METAP1D: variants seen among roughly 807,000 people sequenced by gnomAD.
METAP1D encodes the protein methionine aminopeptidase 1D, mitochondrial.
Under a neutral mutation model 40.5 loss-of-function variants are expected in METAP1D, and 31 were observed. That is an observed-to-expected ratio of 0.77 (90% CI 0.58 to 1.03). The LOEUF (loss-of-function observed/expected upper bound fraction) is 1.03, where lower values mean the gene tolerates loss of function less well. Ranked by LOEUF, METAP1D falls within the 50% of genes least tolerant of loss-of-function variation. METAP1D has a pLI of 0.00. For synonymous variants in METAP1D, 151 were observed against 146.4 expected (o/e 1.03, Z -0.22); for missense variants, 411 against 420.7 (o/e 0.98, Z 0.20).
At chr2:172,063,486 T>C (rs1690180419) in intron 2 of METAP1D, among the ~76,000 whole-genome samples, 1 of 152,102 alleles carries the variant, frequency 6.6e-6, no homozygotes, top group African/African-American at 2.4e-5. Context: ...CAAAGCATGG[T>C]AAGGTTAACA....
chr2:172,048,235 A>G (rs1689805117), intron 1 of METAP1D, among the ~76,000 whole-genome samples: 1 of 152,308 alleles, frequency 6.6e-6, no homozygotes, highest in African/African-American at 2.4e-5. Flanking sequence ...TTTGTGAATT[A>G]CTTGCTTTGT....
At chr2:172,021,032 A>G (rs1358065307) in intron 1 of METAP1D, among the ~76,000 whole-genome samples, 1 of 152,204 alleles carries the variant, frequency 6.6e-6, no homozygotes, top group East Asian at 1.9e-4. Context: ...ACTATTAAAA[A>G]AAGCCACAAA....
chr2:172,012,446 T>C (rs138477764), intron 1 of METAP1D, among the ~76,000 whole-genome samples: 1 of 152,232 alleles, frequency 6.6e-6, no homozygotes, highest in East Asian at 1.9e-4. Context: ...GGCTTCACCA[T>C]GGGGTGAAGC....
chr2:172,026,995 C>T (rs1016138034), intron 1 of METAP1D, among the ~76,000 whole-genome samples: 1 of 152,190 alleles, frequency 6.6e-6, no homozygotes, highest in Admixed American at 6.5e-5. Context: ...CAGTACCCTC[C>T]TTCAGGGCAA....
intron 1 of METAP1D, among the ~76,000 whole-genome samples, chr2:172,028,478 A>C (rs1689168884): frequency 6.6e-6 from 1 of 151,930 alleles, no homozygotes; most frequent in South Asian, 2.1e-4. Context: ...GAAGCAGGAA[A>C]ACTTAGTAAT....
intron 1 of METAP1D, among the ~76,000 whole-genome samples, chr2:172,024,748 T>TTGTGTG (rs61596658): frequency 2.4e-3 from 159 of 66,650 alleles, no homozygotes; most frequent in African/African-American, 4.9e-3. Context: ...GACATATAGA[T>TTGTGTG]TGTGTGTGTG....
chr2:172,045,553 C>T (rs918641128), intron 1 of METAP1D, among the ~76,000 whole-genome samples: 4 of 147,690 alleles, frequency 2.7e-5, no homozygotes, highest in Admixed American at 1.4e-4. Flanking sequence ...CCCAGCTACT[C>T]GGTAGGCTGA....
intron 3 of METAP1D, 155 bp downstream of exon 3, chr2:172,064,015 C>G: frequency 1.1e-6 from 1 of 913,386 alleles, no homozygotes; most frequent in Non-Finnish European, 1.5e-6. Flanking sequence ...TTAAGTAAAG[C>G]CTTGGGATGG....
chr2:172,013,334 C>T (rs565740047), intron 1 of METAP1D, among the ~76,000 whole-genome samples: 1 of 152,316 alleles, frequency 6.6e-6, no homozygotes, highest in Admixed American at 6.5e-5. Flanking sequence ...AGCATCTACG[C>T]ATCTGCCCCA....
At position 172,042,228 on chromosome 2, in the gene METAP1D, C is replaced by T. The variant is rs1367843857; in HGVS notation, c.41-19270C>T. 0.052 allele frequency among the ~76,000 whole-genome samples: 600 copies of T among 11,560 alleles called. 167 individuals carry two copies. In the East Asian group the frequency reaches 0.72, roughly 14 times the overall value. The allele number at this position is 11,560 out of a possible 152,430, so 7.6% of individuals were successfully genotyped here. On this transcript the variant is annotated intron_variant, in intron 1 of 9. Transcript: ENST00000315796. Reference sequence around the variant, plus strand: ...ACATATGTATGTGTACATGTGTACACATATACATATGTATGTGTACATGTG... The same window carrying T: ...ACATATGTATGTGTACATGTGTACATATATACATATGTATGTGTACATGTG...
At chr2:172,067,328 A>C (rs978790838) in intron 5 of METAP1D, among the ~76,000 whole-genome samples, 3 of 152,228 alleles carry the variant, frequency 2.0e-5, no homozygotes, top group African/African-American at 7.2e-5. Flanking sequence ...AAAAATAGGA[A>C]TCCAATGGTG....
chr2:172,029,758 A>T (rs1269396215), intron 1 of METAP1D, among the ~76,000 whole-genome samples: 1 of 152,054 alleles, frequency 6.6e-6, no homozygotes, highest in Non-Finnish European at 1.5e-5. Flanking sequence ...CTACTTACTT[A>T]CTTATTTATT....
intron 1 of METAP1D, among the ~76,000 whole-genome samples, chr2:172,024,973 C>T (rs192772679): frequency 6.6e-6 from 1 of 152,250 alleles, no homozygotes; most frequent in Admixed American, 6.5e-5. Flanking sequence ...TCATAGTGAA[C>T]TCTGGCCAGT....
rs1205971434 is a variant in METAP1D at position 172,042,253 on chromosome 2, GTACACATATACATATA to G, written c.41-19240_41-19225del. Among the ~76,000 whole-genome samples the G allele has an allele frequency of 1.3e-3, 14 of 11,120 alleles. 5 individuals are homozygous for G. In the East Asian group the frequency reaches 0.25, roughly 199 times the overall value. 7.3% of individuals were successfully genotyped at this position (11,120 alleles called of 152,430 possible). Reference sequence around the variant, plus strand: ...CATATACATATGTATGTGTACATGTGTACACATATACATATATACATATATACATATGTATGTGTAC... The same window carrying G: ...CATATACATATGTATGTGTACATGTGTACATATATACATATGTATGTGTAC... On this transcript the variant is annotated intron_variant, in intron 1 of 9. Coordinates refer to ENST00000315796, the MANE Select transcript of METAP1D (RefSeq NM_199227.3).
intron 1 of METAP1D, among the ~76,000 whole-genome samples, chr2:172,007,395 T>A (rs1434530386): frequency 6.6e-6 from 1 of 152,186 alleles, no homozygotes; most frequent in Admixed American, 6.6e-5. Flanking sequence ...GGAGATTATG[T>A]TGTTTTTCTT....
rs782088377 is a variant in METAP1D, at chr2:172,044,404, CAAAAAAAAAAA to C, written c.41-17082_41-17072del. Among the ~76,000 whole-genome samples, 4 of 69,182 alleles carry C rather than the reference CAAAAAAAAAAA, an allele frequency of 5.8e-5. 1 individual carries two copies. Among genetic ancestry groups the C allele is most frequent in the East Asian group, 6.4e-4 (2 of 3,126 alleles). 45.4% of individuals were successfully genotyped at this position (69,182 alleles called of 152,430 possible). On this transcript the variant is annotated intron_variant, in intron 1 of 9. Transcript: ENST00000315796. ...TGAAACCCTGTCTCTCTTAAAAATA[CAAAAAAAAAAA>C]AAAAAAAAAAACCCAAAACAAACAA...
chr2:172,036,131 C>T (rs1045646651), intron 1 of METAP1D, among the ~76,000 whole-genome samples: 8 of 151,594 alleles, frequency 5.3e-5, no homozygotes, highest in South Asian at 2.1e-4. Flanking sequence ...TCCTGGCTAA[C>T]ACGGTGAAAC....
intron 8 of METAP1D, among the ~76,000 whole-genome samples, 168 bp downstream of exon 8, chr2:172,079,430 TA>T (rs1470228598): frequency 6.6e-6 from 1 of 152,262 alleles, no homozygotes; most frequent in African/African-American, 2.4e-5. Flanking sequence ...CCCATCTTCC[TA>T]AATCAGATAC....
chr2:172,045,691 TCATA>T (rs1360492967), intron 1 of METAP1D, among the ~76,000 whole-genome samples: 1 of 83,458 alleles, frequency 1.2e-5, no homozygotes, highest in African/African-American at 4.3e-5. Flanking sequence ...AAAGGATCAT[TCATA>T]TATATGTGTG....
Sources: gnomAD v4.1 joint callset for allele counts (sites outside exome capture counted in the v4.1 genomes callset) on GRCh38, gnomAD v4.1.1 for gene constraint, MANE v1.5 for transcripts, NCBI Gene and HGNC (gene_info 2026-07-23, HGNC 2026-07-21) for gene names.